The following AFAP1 variants were observed in gnomAD, a reference collection of about 807,000 sequenced individuals.
AFAP1 encodes the protein actin filament associated protein 1.
A neutral mutation model predicts 93.9 loss-of-function variants in AFAP1; 75 were observed. The observed-to-expected ratio is 0.80, with a 90% CI of 0.66 to 0.97. AFAP1 has a LOEUF of 0.97. Among genes scored for constraint, AFAP1 ranks in the 50% least tolerant of loss-of-function variants. AFAP1 has a pLI of 0.00. For missense variants in AFAP1, 1,201 were observed against 1,050.8 expected (o/e 1.14, Z -1.98); for synonymous variants, 517 against 430.7 (o/e 1.20, Z -2.48).
At chr4:7,778,695 TCA>T in intron 14 of AFAP1, 65 bp downstream of exon 14, 1 of 1,505,300 alleles carries the variant, frequency 6.6e-7, no homozygotes, top group Non-Finnish European at 9.3e-7. Flanking sequence ...GTGGGCAGGC[TCA>T]GACAGGCCCA....
rs1054787746 is a variant in AFAP1, at chr4:7,882,283, C to CA, written c.-2-10204dup. Among the ~76,000 whole-genome samples the CA allele has an allele frequency of 5.9e-5, 9 of 151,836 alleles. No homozygotes were observed. In the East Asian group the frequency reaches 9.6e-4, roughly 16 times the overall value. On this transcript the variant is annotated intron_variant, in intron 1 of 17. Coordinates refer to ENST00000420658, the MANE Select transcript of AFAP1 (RefSeq NM_001134647.2). ...ATTACCCTCACAAAAAAACAAAAAA[C>CA]AAAAAAACACCAGACCCAGGTAGTT...
chr4:7,833,452 C>A (rs895423370), intron 6 of AFAP1, among the ~76,000 whole-genome samples: 2 of 152,120 alleles, frequency 1.3e-5, no homozygotes, highest in Non-Finnish European at 2.9e-5. Context: ...CAATGTGATA[C>A]CACCTTACTC....
At position 7,802,423 on chromosome 4, in the gene AFAP1, G is replaced by A. The variant is rs531400887; in HGVS notation, c.1055-1770C>T. Among the ~76,000 whole-genome samples, 5 of 152,304 alleles carry A rather than the reference G, an allele frequency of 3.3e-5. No homozygotes were observed. The East Asian group carries it at 9.6e-4, about 29-fold the overall frequency. On this transcript the variant is annotated intron_variant, in intron 9 of 17. Coordinates refer to ENST00000420658, the MANE Select transcript of AFAP1 (RefSeq NM_001134647.2). ...GGCCCTAGAATTAAAGTAGGAAAGAGTCTCAGAGGCTTTACTTCTTGAAGG... is the reference window on the plus strand; with the variant it reads ...GGCCCTAGAATTAAAGTAGGAAAGAATCTCAGAGGCTTTACTTCTTGAAGG...
chr4:7,784,221 C>T (rs1237195186), intron 12 of AFAP1, among the ~76,000 whole-genome samples: 2 of 152,136 alleles, frequency 1.3e-5, no homozygotes, highest in Non-Finnish European at 2.9e-5. Flanking sequence ...TTCACTGGAC[C>T]TGATACCCCT....
intron 1 of AFAP1, among the ~76,000 whole-genome samples, chr4:7,894,053 T>G (rs1718629408): frequency 6.6e-6 from 1 of 152,180 alleles, no homozygotes; most frequent in African/African-American, 2.4e-5. Flanking sequence ...AACGCTGCAC[T>G]TGGCCTCTGG....
chr4:7,933,407 T>C (rs1027038146), intron 1 of AFAP1, among the ~76,000 whole-genome samples: 3 of 152,118 alleles, frequency 2.0e-5, no homozygotes, highest in Non-Finnish European at 4.4e-5. Flanking sequence ...ACCCCATCTC[T>C]ACTAAAAATA....
intron 1 of AFAP1, among the ~76,000 whole-genome samples, chr4:7,933,440 G>A (rs1410139185): frequency 6.6e-6 from 1 of 152,146 alleles, no homozygotes; most frequent in African/African-American, 2.4e-5. Context: ...GGGCACAGTG[G>A]CAAGCACCTG....
At chr4:7,815,604 T>A (rs1469283327) in intron 8 of AFAP1, among the ~76,000 whole-genome samples, 1 of 152,106 alleles carries the variant, frequency 6.6e-6, no homozygotes, top group Non-Finnish European at 1.5e-5. Flanking sequence ...AGGCAGAGCT[T>A]GAATGGGAAA....
rs114536570 is a variant in AFAP1 at position 7,876,246 on chromosome 4, C to A, written c.-2-4166G>T. Reference sequence around the variant, plus strand: ...AACCCTCCAGAGCCTGGGAGTTTGTCGTGGCCCTGGCCAAGGTATCTGCCC... The same window carrying A: ...AACCCTCCAGAGCCTGGGAGTTTGTAGTGGCCCTGGCCAAGGTATCTGCCC... On this transcript the variant is annotated intron_variant, in intron 1 of 17. Coordinates refer to ENST00000420658, the MANE Select transcript of AFAP1 (RefSeq NM_001134647.2). 5.9e-3 allele frequency among the ~76,000 whole-genome samples: 899 copies of A among 152,290 alleles called. 7 individuals carry two copies. Among genetic ancestry groups the A allele is most frequent in the African/African-American group, 0.019 (787 of 41,568 alleles).
At chr4:7,820,592 G>A (rs189190198) in intron 6 of AFAP1, among the ~76,000 whole-genome samples, 7 of 152,284 alleles carry the variant, frequency 4.6e-5, no homozygotes, top group African/African-American at 1.4e-4. Flanking sequence ...AGAGCTCCAC[G>A]GAGGGAGATG....
chr4:7,864,808 A>G (rs73073913), intron 3 of AFAP1, among the ~76,000 whole-genome samples: 3,202 of 152,354 alleles, frequency 0.021, 53 homozygotes, highest in South Asian at 0.065. Flanking sequence ...GATGCTTTAG[A>G]AAGGTTCAGT....
At chr4:7,765,305 T>C (rs954800428) in intron 17 of AFAP1, among the ~76,000 whole-genome samples, 60 of 152,186 alleles carry the variant, frequency 3.9e-4, no homozygotes, top group Non-Finnish European at 2.8e-4. Context: ...CCACCTGATG[T>C]CACCTGGCCA....
chr4:7,865,638 G>A (rs746892232), intron 3 of AFAP1, among the ~76,000 whole-genome samples: 6 of 152,188 alleles, frequency 3.9e-5, no homozygotes, highest in Non-Finnish European at 7.3e-5. Flanking sequence ...AAACTATACT[G>A]GAAGAAGACA....
chr4:7,773,458 T>C (rs1715716169), intron 15 of AFAP1: 1 of 164,610 alleles, frequency 6.1e-6, no homozygotes, highest in South Asian at 1.7e-4. Flanking sequence ...ATGGCACACA[T>C]TTCTTTAAGG....
chr4:7,906,012 T>G (rs1353878611), intron 1 of AFAP1, among the ~76,000 whole-genome samples: 1 of 152,178 alleles, frequency 6.6e-6, no homozygotes, highest in Non-Finnish European at 1.5e-5. Context: ...CCCATGCATG[T>G]GGGAGGAGGG....
At chr4:7,788,403 C>T (rs1171622635) in intron 11 of AFAP1, among the ~76,000 whole-genome samples, 1 of 152,220 alleles carries the variant, frequency 6.6e-6, no homozygotes, top group Non-Finnish European at 1.5e-5. Flanking sequence ...CAGTGCGGGC[C>T]GCGGAAATGG....
chr4:7,902,316 T>C (rs965194532), intron 1 of AFAP1, among the ~76,000 whole-genome samples: 11 of 152,196 alleles, frequency 7.2e-5, no homozygotes, highest in Non-Finnish European at 1.0e-4. Flanking sequence ...TCTCCTGCCA[T>C]GCAAATTTAA....
chr4:7,900,919 T>G (rs562478264), intron 1 of AFAP1, among the ~76,000 whole-genome samples: 191 of 152,338 alleles, frequency 1.3e-3, no homozygotes, highest in African/African-American at 4.4e-3. Context: ...CGTCAGGGCC[T>G]CAGGCAAATT....
intron 1 of AFAP1, among the ~76,000 whole-genome samples, chr4:7,905,294 G>A (rs1436708697): frequency 6.6e-6 from 1 of 152,204 alleles, no homozygotes; most frequent in Non-Finnish European, 1.5e-5. Flanking sequence ...CTGAGGCAGC[G>A]TGTTTGGTTC....
Sources: allele counts gnomAD v4.1 joint callset (sites outside exome capture counted in the v4.1 genomes callset), GRCh38; gene constraint gnomAD v4.1.1; transcripts MANE v1.5; gene names NCBI Gene and HGNC (gene_info 2026-07-23, HGNC 2026-07-21).